The following SRBD1 variants were observed in gnomAD, a reference collection of about 807,000 sequenced individuals.
SRBD1 encodes the protein S1 RNA-binding domain-containing protein 1.
SRBD1 carries 88 observed loss-of-function variants against 115.3 expected under a neutral mutation model. The observed-to-expected ratio is 0.76, with a 90% confidence interval of 0.64 to 0.91. SRBD1 has a LOEUF of 0.91. SRBD1 is among the 40% of genes least tolerant of loss of function. The probability of loss-of-function intolerance (pLI) is 0.00; values close to 1 mark genes in which losing one functional copy is unlikely to be tolerated. For synonymous variants in SRBD1, 509 were observed against 407.7 expected (o/e 1.25, Z -2.99); for missense variants, 1,385 against 1,177.4 (o/e 1.18, Z -2.58).
At chr2:45,559,583 C>T (rs1448040013) in intron 10 of SRBD1, among the ~76,000 whole-genome samples, 2 of 151,634 alleles carry the variant, frequency 1.3e-5, no homozygotes, top group African/African-American at 4.9e-5. Context: ...AAATCTAGCA[C>T]ATAACTTGAA....
chr2:45,526,623 T>C lies in SRBD1; in HGVS notation c.1874+20109A>G, dbSNP rs558426208. ...ATTATATGGTGTGTGAATATCTCAG[T>C]AAAACTGTTAAACAAAATAAATGAA... On this transcript the variant is annotated intron_variant, in intron 14 of 20. Coordinates refer to ENST00000263736, the MANE Select transcript of SRBD1 (RefSeq NM_018079.5). Among the ~76,000 whole-genome samples the C allele has an allele frequency of 2.6e-5, 4 of 152,000 alleles. No homozygotes were observed. In the East Asian group the frequency reaches 7.7e-4, roughly 29 times the overall value.
chr2:45,414,512 C>A (rs1035835879), intron 18 of SRBD1, among the ~76,000 whole-genome samples: 2 of 149,904 alleles, frequency 1.3e-5, no homozygotes, highest in Non-Finnish European at 3.0e-5. Flanking sequence ...TGTGTGTACA[C>A]ACATAGTGTG....
chr2:45,406,503 T>G (rs112690811), intron 19 of SRBD1, among the ~76,000 whole-genome samples: 1 of 152,182 alleles, frequency 6.6e-6, no homozygotes. Context: ...TCTTGCCATA[T>G]TTAATTGACA....
chr2:45,423,579 A>G (rs957084020), intron 16 of SRBD1, among the ~76,000 whole-genome samples: 8 of 152,184 alleles, frequency 5.3e-5, no homozygotes, highest in African/African-American at 1.9e-4. Context: ...AACAAAAAAA[A>G]GTTCAGAACC....
At chr2:45,477,154 T>G in intron 15 of SRBD1, 79 bp from the exon 16 acceptor site, 1 of 1,146,670 alleles carries the variant, frequency 8.7e-7, no homozygotes, top group Non-Finnish European at 1.3e-6. Context: ...TAGTTTCTCA[T>G]AATGTAAGTA....
At chr2:45,474,455 T>C (rs1176306671) in intron 16 of SRBD1, among the ~76,000 whole-genome samples, 1 of 152,224 alleles carries the variant, frequency 6.6e-6, no homozygotes, top group Non-Finnish European at 1.5e-5. Context: ...TGAGGCTCCT[T>C]GAGCTTCCTG....
At chr2:45,607,930 C>G (rs1250458754) in intron 1 of SRBD1, among the ~76,000 whole-genome samples, 1 of 152,184 alleles carries the variant, frequency 6.6e-6, no homozygotes, top group African/African-American at 2.4e-5. Flanking sequence ...AGGCTTTTCT[C>G]TGGAGAATCT....
At chr2:45,568,164 G>C (rs1672894239) in intron 9 of SRBD1, 1 of 152,166 alleles carries the variant, frequency 6.6e-6, no homozygotes, top group Non-Finnish European at 1.5e-5. Context: ...GAGAGAATGT[G>C]AAGACTGAGT....
chr2:45,403,835 C>A (rs56987016), intron 19 of SRBD1, among the ~76,000 whole-genome samples: 18,588 of 152,022 alleles, frequency 0.12, 1,203 homozygotes, highest in East Asian at 0.2. Context: ...CCAGATGTGT[C>A]TTAAGATTCC....
At chr2:45,469,210 A>C (rs552706613) in intron 16 of SRBD1, among the ~76,000 whole-genome samples, 6 of 152,242 alleles carry the variant, frequency 3.9e-5, no homozygotes, top group African/African-American at 1.4e-4. Context: ...AATGCAGTAG[A>C]ATTTACTAAT....
intron 7 of SRBD1, among the ~76,000 whole-genome samples, chr2:45,575,177 T>C (rs564426566): frequency 2.6e-5 from 4 of 152,364 alleles, no homozygotes; most frequent in African/African-American, 7.2e-5. Flanking sequence ...TAAAAAATTA[T>C]CCTTTAGAAG....
At chr2:45,400,903 G>A (rs1357708638) in intron 19 of SRBD1, among the ~76,000 whole-genome samples, 2 of 152,108 alleles carry the variant, frequency 1.3e-5, no homozygotes, top group South Asian at 2.1e-4. Context: ...ACTGAGTTAG[G>A]GGAAAGTTAT....
rs1192412063 is a variant in SRBD1, at chr2:45,574,859, G to A, written c.1073-136C>T. On this transcript the variant is annotated intron_variant, in intron 7 of 20. Transcript: ENST00000263736. ...GACAGTCTTAAGACAGAAAGATATT[G>A]CAGCAGTATACTAGCTTCCCTTTGT... The A allele has an allele frequency of 1.4e-5, 10 of 704,818 alleles. No homozygotes were observed. In the African/African-American group the frequency reaches 1.4e-4, roughly 10 times the overall value. 43.7% of individuals were successfully genotyped at this position (704,818 alleles called of 1,614,324 possible).
chr2:45,529,318 T>C (rs535474830), intron 14 of SRBD1, among the ~76,000 whole-genome samples: 30 of 151,920 alleles, frequency 2.0e-4, no homozygotes, highest in African/African-American at 6.5e-4. Flanking sequence ...AGAAGGAAGA[T>C]GGGGAAAAAG....
chr2:45,494,915 C>A (rs528785048), intron 14 of SRBD1, among the ~76,000 whole-genome samples: 1 of 152,240 alleles, frequency 6.6e-6, no homozygotes, highest in African/African-American at 2.4e-5. Flanking sequence ...TCTTCAATTA[C>A]CAGCGTTTTG....
chr2:45,410,309 C>A (rs1015883227), intron 19 of SRBD1, among the ~76,000 whole-genome samples: 1 of 152,084 alleles, frequency 6.6e-6, no homozygotes, highest in Non-Finnish European at 1.5e-5. Context: ...TGAAATGGTA[C>A]GACCAGAGGA....
intron 18 of SRBD1, 72 bp from the exon 19 acceptor site, chr2:45,413,365 GT>G: frequency 6.6e-7 from 1 of 1,517,738 alleles, no homozygotes; most frequent in Non-Finnish European, 8.9e-7. Flanking sequence ...AAATTAAAAT[GT>G]GCTTACTTCT....
In SRBD1 at chr2:45,579,959, A is replaced by C. The variant is rs1238873133; in HGVS notation, c.988T>G (p.Leu330Val). 1 of 1,609,044 alleles carries C rather than the reference A, an allele frequency of 6.2e-7. No homozygotes were observed. The highest frequency in any genetic ancestry group is 2.2e-5 in the East Asian group (1 of 44,672). The change falls in exon 7 of 21, where the codon TTG (leucine) becomes GTG (valine). Residue 330 changes from leucine (L) to valine (V), a missense_variant. Coordinates refer to ENST00000263736, the MANE Select transcript of SRBD1 (RefSeq NM_018079.5). Reference protein sequence around the residue: ...KGTKAQRARQLGLEGAARALL... With the variant: ...KGTKAQRARQVGLEGAARALL... ...GCCCTGGCTGCTCCTTCTAAGCCCA[A>C]CTGTCTTGCTCTCTGGGCTTTAGTC... is the stretch of plus-strand genomic sequence containing the variant.
At chr2:45,517,948 C>G (rs1020830086) in intron 14 of SRBD1, among the ~76,000 whole-genome samples, 1 of 152,214 alleles carries the variant, frequency 6.6e-6, no homozygotes, top group African/African-American at 2.4e-5. Flanking sequence ...CTGCAATGAG[C>G]CACAACTGCA....
Sources: allele counts gnomAD v4.1 joint callset (sites outside exome capture counted in the v4.1 genomes callset), GRCh38; gene constraint gnomAD v4.1.1; transcripts MANE v1.5; gene names NCBI Gene and HGNC (gene_info 2026-07-23, HGNC 2026-07-21).